MOB3B: variants seen among roughly 807,000 people sequenced by gnomAD.
MOB3B encodes MOB kinase activator-like 2B.
A neutral mutation model predicts 18.7 loss-of-function variants in MOB3B; 7 were observed. The observed-to-expected ratio is 0.37, with a 90% CI of 0.21 to 0.70. The LOEUF is 0.70. Ranked by LOEUF, MOB3B falls within the 30% of genes least tolerant of loss-of-function variation. MOB3B has a pLI of 0.52. For missense variants in MOB3B, 253 were observed against 281.3 expected, an observed-to-expected ratio of 0.90 and a Z score of 0.72; for synonymous variants, 111 against 99.9, an observed-to-expected ratio of 1.11 and a Z score of -0.66.
At chr9:27,499,696 A>G (rs1019217897) in intron 1 of MOB3B, among the ~76,000 whole-genome samples, 1 of 152,120 alleles carries the variant, frequency 6.6e-6, no homozygotes, top group Non-Finnish European at 1.5e-5. Context: ...GAGTCATTCC[A>G]TGCAACTATC....
intron 1 of MOB3B, among the ~76,000 whole-genome samples, chr9:27,494,502 C>A (rs907819386): frequency 1.3e-5 from 2 of 152,028 alleles, no homozygotes; most frequent in Non-Finnish European, 2.9e-5. Context: ...CTCAAGCTGG[C>A]CGATGCTTAA....
chr9:27,526,428 G>A (rs1820438498), intron 1 of MOB3B: 2 of 152,200 alleles, frequency 1.3e-5, no homozygotes, highest in African/African-American at 4.8e-5. Flanking sequence ...GCAAGCTACT[G>A]AGCATAAAAT....
chr9:27,442,457 G>A (rs142056484), intron 2 of MOB3B, among the ~76,000 whole-genome samples: 3 of 152,224 alleles, frequency 2.0e-5, no homozygotes, highest in Admixed American at 6.5e-5. Context: ...TCTCAGATCC[G>A]TTCTCTATCT....
chr9:27,419,998 A>C (rs969109355), intron 2 of MOB3B, among the ~76,000 whole-genome samples: 1 of 152,216 alleles, frequency 6.6e-6, no homozygotes, highest in African/African-American at 2.4e-5. Flanking sequence ...GGCTAAGCAC[A>C]TGAATAGACA....
chr9:27,435,395 G>A (rs898033377), intron 2 of MOB3B, among the ~76,000 whole-genome samples: 20 of 151,978 alleles, frequency 1.3e-4, no homozygotes, highest in African/African-American at 4.6e-4. Flanking sequence ...GTTTTCTCAG[G>A]AAGTTCCATT....
At chr9:27,424,319 A>G (rs183941431) in intron 2 of MOB3B, among the ~76,000 whole-genome samples, 4 of 152,358 alleles carry the variant, frequency 2.6e-5, no homozygotes, top group African/African-American at 7.2e-5. Flanking sequence ...CCCAATAACC[A>G]TGACCAAATG....
chr9:27,424,957 G>A (rs1822305256), intron 2 of MOB3B, among the ~76,000 whole-genome samples: 1 of 152,194 alleles, frequency 6.6e-6, no homozygotes, highest in South Asian at 2.1e-4. Flanking sequence ...TCTGCTCTAG[G>A]GTTCTGTGAA....
chr9:27,496,303 CAGA>C (rs66553803), intron 1 of MOB3B, among the ~76,000 whole-genome samples: 41,033 of 151,946 alleles, frequency 0.27, 6,721 homozygotes, highest in Non-Finnish European at 0.37. Flanking sequence ...CTGTTAAACT[CAGA>C]AGGACCACTG....
intron 2 of MOB3B, among the ~76,000 whole-genome samples, chr9:27,365,363 TC>T (rs1302647372): frequency 2.4e-4 from 27 of 112,254 alleles, no homozygotes; most frequent in African/African-American, 8.2e-4. Flanking sequence ...TTCCTTCTTC[TC>T]TTTTTTTTTT....
At chr9:27,498,760 C>T (rs1439441124) in intron 1 of MOB3B, among the ~76,000 whole-genome samples, 2 of 152,214 alleles carry the variant, frequency 1.3e-5, no homozygotes, top group African/African-American at 2.4e-5. Context: ...GTACTAGCAG[C>T]AGTTGCTATG....
chr9:27,338,942 T>C (rs1482632783), intron 3 of MOB3B, among the ~76,000 whole-genome samples: 1 of 152,188 alleles, frequency 6.6e-6, no homozygotes, highest in African/African-American at 2.4e-5. Flanking sequence ...TAAGGAGCCC[T>C]CAGTTGCATC....
intron 2 of MOB3B, among the ~76,000 whole-genome samples, chr9:27,366,331 T>C (rs188207168): frequency 8.7e-4 from 132 of 152,246 alleles, no homozygotes; most frequent in Non-Finnish European, 1.5e-3. Context: ...CCTTAGGAAA[T>C]CTCCTTTCTC....
chr9:27,330,315 C>A lies in MOB3B; in HGVS notation c.*272G>T. On this transcript the variant is annotated 3_prime_UTR_variant, in exon 4 of 4. Coordinates refer to ENST00000262244, the MANE Select transcript of MOB3B (RefSeq NM_024761.5). Reference sequence around the variant, plus strand: ...GCCATGTGTGGAAGTGCAGAGGCTTCCTCGTGGACAATTCCCCAGCCAGAA... The same window carrying A: ...GCCATGTGTGGAAGTGCAGAGGCTTACTCGTGGACAATTCCCCAGCCAGAA... The A allele has an allele frequency of 2.6e-6, 1 of 382,742 alleles. No individual in the cohort carries two copies. Among genetic ancestry groups the A allele is most frequent in the South Asian group, 5.4e-5 (1 of 18,498 alleles). The allele number at this position is 382,742 out of a possible 1,614,324, so 23.7% of individuals were successfully genotyped here. A position where few individuals can be genotyped will look rare whatever the true frequency, so the allele number is the denominator to read the frequency against.
At chr9:27,450,596 A>G (rs765916921) in intron 2 of MOB3B, among the ~76,000 whole-genome samples, 5 of 152,210 alleles carry the variant, frequency 3.3e-5, no homozygotes, top group Non-Finnish European at 5.9e-5. Flanking sequence ...AATTTTCTCC[A>G]TCCTAAACAA....
In MOB3B at chr9:27,463,442, A is replaced by G. The variant is rs1263585902; in HGVS notation, c.-198-7694T>C. The stretch of plus-strand genomic sequence containing the variant: ...ACAGTTGGGTAGTTAAAGAAAAAAA[A>G]CAAAACAGAGGAAGTTCTGGGGTAC... On this transcript the variant is annotated intron_variant, in intron 1 of 3. Coordinates refer to ENST00000262244, the MANE Select transcript of MOB3B (RefSeq NM_024761.5). 2.6e-5 allele frequency among the ~76,000 whole-genome samples: 4 copies of G among 152,258 alleles called. No homozygotes were observed. The East Asian group carries it at 5.8e-4, about 22-fold the overall frequency.
intron 2 of MOB3B, among the ~76,000 whole-genome samples, chr9:27,451,646 T>C (rs1392846809): frequency 6.6e-6 from 1 of 152,186 alleles, no homozygotes; most frequent in Non-Finnish European, 1.5e-5. Flanking sequence ...AGATGAAGTT[T>C]GAACCCCTCC....
rs527404363 is a variant in MOB3B at position 27,514,435 on chromosome 9, A to C, written c.-199+15120T>G. Reference sequence around the variant, plus strand: ...TCCTCTAGAGGAGATAGAGCAAATCAAACCTCTGACAATGTGGAAATCCAG... The same window carrying C: ...TCCTCTAGAGGAGATAGAGCAAATCCAACCTCTGACAATGTGGAAATCCAG... On this transcript the variant is annotated intron_variant, in intron 1 of 3. Coordinates refer to ENST00000262244, the MANE Select transcript of MOB3B (RefSeq NM_024761.5). Among the ~76,000 whole-genome samples, 5 of 152,182 alleles carry C rather than the reference A, an allele frequency of 3.3e-5. No individual in the cohort carries two copies. In the South Asian group the frequency reaches 6.2e-4, roughly 19 times the overall value.
At chr9:27,465,118 T>A (rs1351092241) in intron 1 of MOB3B, among the ~76,000 whole-genome samples, 1 of 152,174 alleles carries the variant, frequency 6.6e-6, no homozygotes, top group African/African-American at 2.4e-5. Flanking sequence ...CAAAGTCTCA[T>A]CTGAGACAAG....
In MOB3B at chr9:27,445,312, G is replaced by A. The variant is rs563255453; in HGVS notation, c.418+9821C>T. ...TCCCACGTCACCTTCTAGATGGGGAGGTAGTCTCAGAGAAGTTCAGGGTTT... is the reference window on the plus strand; with the variant it reads ...TCCCACGTCACCTTCTAGATGGGGAAGTAGTCTCAGAGAAGTTCAGGGTTT... On this transcript the variant is annotated intron_variant, in intron 2 of 3. Transcript: ENST00000262244. Among the ~76,000 whole-genome samples the A allele has an allele frequency of 5.5e-5, 8 of 146,604 alleles. No homozygotes were observed. The South Asian group carries it at 1.9e-3, about 34-fold the overall frequency.
Sources: gnomAD v4.1 joint callset for allele counts (sites outside exome capture counted in the v4.1 genomes callset) on GRCh38, gnomAD v4.1.1 for gene constraint, MANE v1.5 for transcripts, NCBI Gene and HGNC (gene_info 2026-07-23, HGNC 2026-07-21) for gene names.